SKAP1: variants seen among roughly 807,000 people sequenced by gnomAD.
SKAP1 encodes src kinase-associated phosphoprotein 1.
A neutral mutation model predicts 58.5 loss-of-function variants in SKAP1; 44 were observed. That is an observed-to-expected ratio of 0.75 (90% CI 0.59 to 0.97). The LOEUF is 0.97. Ranked by LOEUF, SKAP1 falls within the 50% of genes least tolerant of loss-of-function variation. The pLI, the probability that SKAP1 is intolerant of heterozygous loss-of-function variation, is 0.00. For missense variants in SKAP1, 390 were observed against 435.2 expected (o/e 0.90, Z 0.92); for synonymous variants, 127 against 149.7 (o/e 0.85, Z 1.11).
chr17:48,282,752 C>T (rs1394339465), intron 4 of SKAP1, among the ~76,000 whole-genome samples: 1 of 151,150 alleles, frequency 6.6e-6, no homozygotes, highest in Non-Finnish European at 1.5e-5. Flanking sequence ...GCTGCTGCCT[C>T]AGTGACAGAG....
At chr17:48,330,127 C>T (rs988699521) in intron 4 of SKAP1, among the ~76,000 whole-genome samples, 4 of 152,128 alleles carry the variant, frequency 2.6e-5, no homozygotes, top group Non-Finnish European at 5.9e-5. Context: ...AGTATTTATG[C>T]TTTTGTTTAA....
intron 4 of SKAP1, among the ~76,000 whole-genome samples, chr17:48,309,833 A>G (rs1235728815): frequency 6.6e-6 from 1 of 152,112 alleles, no homozygotes; most frequent in African/African-American, 2.4e-5. Context: ...ATTTATTTCT[A>G]TTTGGAATAA....
chr17:48,239,799 C>T (rs1006820598), intron 4 of SKAP1, among the ~76,000 whole-genome samples: 5 of 150,356 alleles, frequency 3.3e-5, no homozygotes, highest in Non-Finnish European at 7.4e-5. Flanking sequence ...CTTCTCAGAC[C>T]CCCTCCACCC....
intron 2 of SKAP1, among the ~76,000 whole-genome samples, chr17:48,370,117 C>G (rs975484921): frequency 3.3e-5 from 5 of 152,116 alleles, no homozygotes; most frequent in Admixed American, 6.5e-5. Flanking sequence ...CCCAAATTCA[C>G]AGAGTCTATA....
At chr17:48,136,559 A>G (rs991739641) in intron 12 of SKAP1, 1 of 152,288 alleles carries the variant, frequency 6.6e-6, no homozygotes, top group Admixed American at 6.6e-5. Flanking sequence ...CCTTGAGGTA[A>G]CCTTGAGAAT....
At chr17:48,296,060 G>A (rs2065965946) in intron 4 of SKAP1, among the ~76,000 whole-genome samples, 6 of 152,044 alleles carry the variant, frequency 3.9e-5, no homozygotes, top group Admixed American at 2.6e-4. Context: ...CCCTACTATA[G>A]AGACAGAGAA....
chr17:48,387,128 A>C (rs1056455061), intron 2 of SKAP1, among the ~76,000 whole-genome samples: 1 of 152,302 alleles, frequency 6.6e-6, no homozygotes, highest in South Asian at 2.1e-4. Context: ...TGGACTTAAC[A>C]TTTTTCTCCT....
rs183902549 is a variant in SKAP1 at position 48,229,154 on chromosome 17, C to T, written c.281-39654G>A. ...ACATTGTAGGCACCCAAAAGACCTGCGGTTAAGTATGAATCTCTTTTTTCA... is the reference window on the plus strand; with the variant it reads ...ACATTGTAGGCACCCAAAAGACCTGTGGTTAAGTATGAATCTCTTTTTTCA... On this transcript the variant is annotated intron_variant, in intron 4 of 12. Coordinates refer to ENST00000336915, the MANE Select transcript of SKAP1 (RefSeq NM_003726.4). Among the ~76,000 whole-genome samples the T allele has an allele frequency of 2.6e-3, 390 of 152,154 alleles. 5 individuals are homozygous for T. Among genetic ancestry groups the T allele is most frequent in the Non-Finnish European group, 5.9e-4 (40 of 68,002 alleles).
At chr17:48,426,849 G>GTTT (rs5820701) in intron 1 of SKAP1, among the ~76,000 whole-genome samples, 1 of 146,420 alleles carries the variant, frequency 6.8e-6, no homozygotes, top group African/African-American at 2.5e-5. Flanking sequence ...AAGATAGCGT[G>GTTT]TTTTTTTTTT....
chr17:48,184,951 C>T, intron 6 of SKAP1, 104 bp from the exon 7 acceptor site: 1 of 1,083,378 alleles, frequency 9.2e-7, no homozygotes, highest in Non-Finnish European at 1.3e-6. Context: ...GCTGTTACAT[C>T]CCTGAGGAAC....
chr17:48,316,097 A>G (rs2066282245), intron 4 of SKAP1, among the ~76,000 whole-genome samples: 1 of 152,216 alleles, frequency 6.6e-6, no homozygotes, highest in Non-Finnish European at 1.5e-5. Flanking sequence ...AATTCTACAA[A>G]GAATAGTTAG....
intron 4 of SKAP1, among the ~76,000 whole-genome samples, chr17:48,262,683 A>C (rs548502849): frequency 6.6e-6 from 1 of 152,316 alleles, no homozygotes; most frequent in South Asian, 2.1e-4. Context: ...TTTTGTGAAC[A>C]TATGTTTTAT....
At chr17:48,396,590 T>C (rs1283598129) in intron 2 of SKAP1, 90 bp downstream of exon 2, 4 of 767,128 alleles carry the variant, frequency 5.2e-6, no homozygotes, top group South Asian at 3.4e-5. Flanking sequence ...AGAACTATGA[T>C]AGGTATGTCT....
chr17:48,259,153 G>T (rs1410883261), intron 4 of SKAP1, among the ~76,000 whole-genome samples: 1 of 151,898 alleles, frequency 6.6e-6, no homozygotes, highest in African/African-American at 2.4e-5. Flanking sequence ...CTCAAGCTAG[G>T]ATTTTCAGAA....
chr17:48,229,749 A>C (rs918973926), intron 4 of SKAP1, among the ~76,000 whole-genome samples: 7 of 152,108 alleles, frequency 4.6e-5, no homozygotes, highest in Non-Finnish European at 1.0e-4. Flanking sequence ...GCTGGTGCTA[A>C]ACACCAATGT....
chr17:48,357,225 T>C (rs1411359709), intron 3 of SKAP1, among the ~76,000 whole-genome samples: 1 of 152,202 alleles, frequency 6.6e-6, no homozygotes, highest in Non-Finnish European at 1.5e-5. Context: ...TTAGTTCTTT[T>C]TTTATATCTT....
chr17:48,204,973 T>TTTTCTTTTCTTTCTTTC (rs71356522), intron 4 of SKAP1, among the ~76,000 whole-genome samples: 8,012 of 77,132 alleles, frequency 0.1, 533 homozygotes, highest in South Asian at 0.12. Flanking sequence ...TTTTCTTTTC[T>TTTTCTTTTCTTTCTTTC]TTTCTTTCTT....
At chr17:48,180,806 A>T (rs897375642) in intron 8 of SKAP1, among the ~76,000 whole-genome samples, 1 of 152,216 alleles carries the variant, frequency 6.6e-6, no homozygotes, top group African/African-American at 2.4e-5. Context: ...GAAAAATATA[A>T]CAGTAATACA....
intron 4 of SKAP1, among the ~76,000 whole-genome samples, chr17:48,324,566 CTTAACAA>C (rs1359032091): frequency 6.6e-6 from 1 of 151,994 alleles, no homozygotes; most frequent in Admixed American, 6.6e-5. Flanking sequence ...AATTTTTTCA[CTTAACAA>C]TTAACATCTT....
Sources: allele counts gnomAD v4.1 joint callset (sites outside exome capture counted in the v4.1 genomes callset), GRCh38; gene constraint gnomAD v4.1.1; transcripts MANE v1.5; gene names NCBI Gene and HGNC (gene_info 2026-07-23, HGNC 2026-07-21).